MAGI2: variants seen among roughly 807,000 people sequenced by gnomAD.
MAGI2 encodes the protein membrane associated guanylate kinase, WW and PDZ domain containing 2.
Under a neutral mutation model 133.3 loss-of-function variants are expected in MAGI2, and 35 were observed. That is an observed-to-expected ratio of 0.26 (90% confidence interval 0.20 to 0.35). The LOEUF is 0.35. Ranked by LOEUF, MAGI2 falls within the 10% of genes least tolerant of loss-of-function variation. The pLI is 1.00. For missense variants in MAGI2, 1,636 were observed against 1,863.4 expected, an observed-to-expected ratio of 0.88 and a Z score of 2.25; for synonymous variants, 729 against 710.6, an observed-to-expected ratio of 1.03 and a Z score of -0.41.
chr7:79,310,173 AAAAAAAAAAAAAAAAAAAAAAAG>A (rs1838160228), intron 1 of MAGI2, among the ~76,000 whole-genome samples: 2 of 136,098 alleles, frequency 1.5e-5, no homozygotes, highest in Non-Finnish European at 3.1e-5. Context: ...AAAAAAAAAA[AAAAAAAAAAAAAAAAAAAAAAAG>A]AGAGAGAGAG....
intron 6 of MAGI2, among the ~76,000 whole-genome samples, chr7:78,452,606 T>G (rs985896): frequency 0.83 from 126,172 of 151,638 alleles, 53,934 homozygotes; most frequent in East Asian, 0.98. Context: ...AATTAATTTT[T>G]ATAATAAAGA....
intron 1 of MAGI2, among the ~76,000 whole-genome samples, chr7:79,316,089 G>A (rs1838702446): frequency 6.6e-6 from 1 of 151,970 alleles, no homozygotes; most frequent in Non-Finnish European, 1.5e-5. Flanking sequence ...TATAACGTAA[G>A]CCTCAAAATT....
rs911396509 is a variant in MAGI2 at position 78,167,901 on chromosome 7, GCTCCAGGTA to G, written c.2596+6_2596+14del. 3.9e-5 allele frequency: 62 copies of G among 1,604,050 alleles called. No individual in the cohort carries two copies. The highest frequency in any genetic ancestry group is 5.2e-5 in the Non-Finnish European group (61 of 1,172,290). ...ACCTAACCCTCGATTCCTGCAGCAG[GCTCCAGGTA>G]CATACCTCCACATAGCACCTTTCTT... On this transcript the variant is annotated splice_donor_region_variant and intron_variant, in intron 15 of 21. Coordinates refer to ENST00000354212, the MANE Select transcript of MAGI2 (RefSeq NM_012301.4).
At chr7:78,914,100 C>T (rs906487873) in intron 2 of MAGI2, among the ~76,000 whole-genome samples, 2 of 152,168 alleles carry the variant, frequency 1.3e-5, no homozygotes, top group African/African-American at 4.8e-5. Context: ...GTTCAAATTA[C>T]TCACAAAGCC....
chr7:78,726,069 T>G (rs1034207296), intron 2 of MAGI2, among the ~76,000 whole-genome samples: 2 of 152,152 alleles, frequency 1.3e-5, no homozygotes, highest in African/African-American at 4.8e-5. Context: ...TATATTAAAT[T>G]ATAAAGATAA....
At chr7:79,398,325 C>T (rs1460126313) in intron 1 of MAGI2, among the ~76,000 whole-genome samples, 4 of 152,134 alleles carry the variant, frequency 2.6e-5, no homozygotes, top group Non-Finnish European at 5.9e-5. Context: ...TGTCTCATTT[C>T]CCTTGTTTTG....
intron 1 of MAGI2, among the ~76,000 whole-genome samples, chr7:79,332,972 G>GA (rs1217459800): frequency 6.6e-6 from 1 of 151,736 alleles, no homozygotes; most frequent in East Asian, 1.9e-4. Flanking sequence ...TATTTTATTT[G>GA]AAAAAAATAA....
intron 10 of MAGI2, among the ~76,000 whole-genome samples, chr7:78,210,122 TTAA>T (rs780785084): frequency 6.6e-6 from 1 of 152,226 alleles, no homozygotes; most frequent in East Asian, 1.9e-4. Flanking sequence ...ATCATATTTA[TTAA>T]TGTCATAATT....
intron 20 of MAGI2, among the ~76,000 whole-genome samples, chr7:78,099,724 A>G (rs3807741): frequency 0.36 from 53,995 of 152,036 alleles, 11,119 homozygotes; most frequent in African/African-American, 0.58. Flanking sequence ...TATTGTTTTA[A>G]CTGTTACCAT....
chr7:78,766,593 A>G (rs1825050895), intron 2 of MAGI2, among the ~76,000 whole-genome samples: 4 of 152,174 alleles, frequency 2.6e-5, no homozygotes, highest in Admixed American at 2.0e-4. Flanking sequence ...TAGTTTCCTT[A>G]AACACTCTGA....
chr7:78,721,939 A>G (rs1820309678), intron 2 of MAGI2, among the ~76,000 whole-genome samples: 1 of 151,946 alleles, frequency 6.6e-6, no homozygotes, highest in Non-Finnish European at 1.5e-5. Flanking sequence ...TTGATTGTTT[A>G]GATTTTAATA....
chr7:78,522,933 C>CCTTGT (rs1200906564), intron 3 of MAGI2, among the ~76,000 whole-genome samples: 1 of 152,096 alleles, frequency 6.6e-6, no homozygotes, highest in Non-Finnish European at 1.5e-5. Flanking sequence ...ACAATAAAAT[C>CCTTGT]CTTGTCTTCC....
chr7:78,495,895 GA>G (rs1794048423), intron 5 of MAGI2, among the ~76,000 whole-genome samples: 1 of 152,072 alleles, frequency 6.6e-6, no homozygotes, highest in Non-Finnish European at 1.5e-5. Flanking sequence ...AAAAATATAT[GA>G]AAAAATATTC....
At position 78,019,262 on chromosome 7, in the gene MAGI2, C is replaced by G. The variant is rs1418003303; in HGVS notation, c.*53G>C. ...TAAATTAAAACGCCGTGAGACGGAA[C>G]CTAAGAAGAACTGCCTGCGCCGGGG... is the stretch of plus-strand genomic sequence containing the variant. On this transcript the variant is annotated 3_prime_UTR_variant, in exon 22 of 22. Coordinates refer to ENST00000354212, the MANE Select transcript of MAGI2 (RefSeq NM_012301.4). 4 of 1,570,666 alleles carry G rather than the reference C, an allele frequency of 2.5e-6. No homozygotes were observed. The highest frequency in any genetic ancestry group is 2.6e-6 in the Non-Finnish European group (3 of 1,165,418).
At chr7:79,087,093 C>T (rs1405130854) in intron 1 of MAGI2, among the ~76,000 whole-genome samples, 1 of 151,742 alleles carries the variant, frequency 6.6e-6, no homozygotes, top group Non-Finnish European at 1.5e-5. Flanking sequence ...TCTACCATTT[C>T]CCTTCATAAA....
intron 2 of MAGI2, among the ~76,000 whole-genome samples, chr7:79,003,841 T>C (rs1473108990): frequency 6.6e-6 from 1 of 152,120 alleles, no homozygotes; most frequent in Admixed American, 6.5e-5. Context: ...CCAAAAGGTA[T>C]ATGAAAAAAT....
chr7:78,145,738 A>C lies in MAGI2; in HGVS notation c.2846-10532T>G, dbSNP rs1172760735. Among the ~76,000 whole-genome samples, 2 of 152,150 alleles carry C rather than the reference A, an allele frequency of 1.3e-5. 1 individual carries two copies. Among genetic ancestry groups the C allele is most frequent in the African/African-American group, 4.8e-5 (2 of 41,444 alleles). ...TATATCTGTTCATTGTAAATCACCCAGTCTGTGGTATTCCACTATAACAGC... is the reference window on the plus strand; with the variant it reads ...TATATCTGTTCATTGTAAATCACCCCGTCTGTGGTATTCCACTATAACAGC... On this transcript the variant is annotated intron_variant, in intron 16 of 21. Transcript: ENST00000354212.
chr7:79,044,670 C>T (rs1812004038), intron 1 of MAGI2, among the ~76,000 whole-genome samples: 1 of 152,088 alleles, frequency 6.6e-6, no homozygotes, highest in African/African-American at 2.4e-5. Flanking sequence ...GACTAGAAAA[C>T]CCCATAATGT....
At chr7:78,895,050 G>A (rs188458811) in intron 2 of MAGI2, among the ~76,000 whole-genome samples, 2 of 152,086 alleles carry the variant, frequency 1.3e-5, no homozygotes, top group East Asian at 3.9e-4. Flanking sequence ...GAGTTATGAG[G>A]CCTCATGAAT....
Sources: gnomAD v4.1 joint callset for allele counts (sites outside exome capture counted in the v4.1 genomes callset) on GRCh38, gnomAD v4.1.1 for gene constraint, MANE v1.5 for transcripts, NCBI Gene and HGNC (gene_info 2026-07-23, HGNC 2026-07-21) for gene names.